Variants in COL22A1 observed in about 807,000 individuals in gnomAD.
The protein encoded by COL22A1 is collagen alpha-1(XXII) chain.
A neutral mutation model predicts 248.9 loss-of-function variants in COL22A1; 221 were observed. The observed-to-expected ratio is 0.89, with a 90% CI of 0.80 to 0.99. The LOEUF is 0.99. Among genes scored for constraint, COL22A1 ranks in the 50% least tolerant of loss-of-function variants. The probability of loss-of-function intolerance (pLI) is 0.00; values close to 1 mark genes in which losing one functional copy is unlikely to be tolerated. For synonymous variants in COL22A1, 891 were observed against 793.4 expected, an observed-to-expected ratio of 1.12 and a Z score of -2.07; for missense variants, 2,240 against 2,179.0, an observed-to-expected ratio of 1.03 and a Z score of -0.56.
chr8:138,798,404 CTACTTTCATGA>C (rs1228748634), intron 11 of COL22A1, among the ~76,000 whole-genome samples: 1 of 151,830 alleles, frequency 6.6e-6, no homozygotes, highest in Non-Finnish European at 1.5e-5. Flanking sequence ...AACATTTACA[CTACTTTCATGA>C]TATTTTTAAC....
chr8:138,621,102 G>A (rs1235706389), intron 52 of COL22A1, among the ~76,000 whole-genome samples: 1 of 152,178 alleles, frequency 6.6e-6, no homozygotes, highest in East Asian at 1.9e-4. Context: ...AACTCAACTT[G>A]AAGAGGGGCC....
At chr8:138,763,782 T>G (rs1219184771) in intron 16 of COL22A1, among the ~76,000 whole-genome samples, 10 of 152,180 alleles carry the variant, frequency 6.6e-5, no homozygotes. Context: ...TCAGATTCAG[T>G]GTCCCCTCCT....
intron 11 of COL22A1, among the ~76,000 whole-genome samples, chr8:138,801,685 C>T (rs1817012860): frequency 6.6e-6 from 1 of 152,126 alleles, no homozygotes; most frequent in Non-Finnish European, 1.5e-5. Flanking sequence ...TTGAGACCAG[C>T]CTGGCCAACG....
chr8:138,725,451 A>C lies in COL22A1; in HGVS notation c.2140-11T>G, dbSNP rs1040270939. The C allele has an allele frequency of 1.9e-6, 3 of 1,612,394 alleles. No homozygotes were observed. In the African/African-American group the frequency reaches 4.0e-5, roughly 22 times the overall value. ...GGGTCCTGGAGGGCCCTGTAGAGAA[A>C]GAGCATTTGGTGGGCTACAGATGGG... On this transcript the variant is annotated splice_polypyrimidine_tract_variant and intron_variant, in intron 23 of 64. Transcript: ENST00000303045.
At chr8:138,815,230 GA>G (rs1325614305) in intron 7 of COL22A1, among the ~76,000 whole-genome samples, 3 of 152,138 alleles carry the variant, frequency 2.0e-5, no homozygotes, top group African/African-American at 7.2e-5. Context: ...CATAAGAACA[GA>G]CTAATACATT....
intron 56 of COL22A1, among the ~76,000 whole-genome samples, chr8:138,611,456 C>G (rs1312230858): frequency 6.6e-6 from 1 of 152,170 alleles, no homozygotes; most frequent in African/African-American, 2.4e-5. Context: ...TGGGGGGGAC[C>G]CAGTCAGAAC....
chr8:138,829,265 C>T (rs1819835624), intron 5 of COL22A1, among the ~76,000 whole-genome samples: 1 of 152,164 alleles, frequency 6.6e-6, no homozygotes, highest in African/African-American at 2.4e-5. Flanking sequence ...CATTCAGAGA[C>T]ACCCTCAGTC....
chr8:138,775,483 G>C lies in COL22A1; in HGVS notation c.1803+483C>G, dbSNP rs75784024. Among the ~76,000 whole-genome samples, 1,489 of 152,326 alleles carry C rather than the reference G, an allele frequency of 9.8e-3. 27 individuals are homozygous for C. The highest frequency in any genetic ancestry group is 0.034 in the African/African-American group (1,415 of 41,560). On this transcript the variant is annotated intron_variant, in intron 16 of 64. Coordinates refer to ENST00000303045, the MANE Select transcript of COL22A1 (RefSeq NM_152888.3). Reference sequence around the variant, plus strand: ...CATTTAAGAGCCCGAGTGTGGGCCAGTTCACAACGTTTGGTGACTGTGGCT... The same window carrying C: ...CATTTAAGAGCCCGAGTGTGGGCCACTTCACAACGTTTGGTGACTGTGGCT...
At chr8:138,589,483 T>C (rs1232834492) in intron 64 of COL22A1, 43 bp from the exon 65 acceptor site, 1 of 1,430,732 alleles carries the variant, frequency 7.0e-7, no homozygotes, top group East Asian at 2.6e-5. Context: ...TTCAAGATCC[T>C]TCTGGGAGGG....
At chr8:138,717,023 C>A (rs1160552966) in intron 27 of COL22A1, among the ~76,000 whole-genome samples, 154 bp from the exon 28 acceptor site, 1 of 152,248 alleles carries the variant, frequency 6.6e-6, no homozygotes, top group African/African-American at 2.4e-5. Flanking sequence ...GAGTCATGGG[C>A]TCTGAAGACC....
intron 32 of COL22A1, among the ~76,000 whole-genome samples, chr8:138,695,210 G>A (rs867963748): frequency 6.6e-6 from 1 of 152,186 alleles, no homozygotes; most frequent in Admixed American, 6.5e-5. Context: ...TAGTTGTGTG[G>A]TTTGATTCAT....
At chr8:138,712,984 T>C (rs893729042) in intron 30 of COL22A1, among the ~76,000 whole-genome samples, 3 of 152,172 alleles carry the variant, frequency 2.0e-5, no homozygotes, top group African/African-American at 7.2e-5. Context: ...GACGTATCTT[T>C]GGTGAAAGGG....
At chr8:138,853,784 C>T (rs1312228075) in intron 3 of COL22A1, among the ~76,000 whole-genome samples, 3 of 152,302 alleles carry the variant, frequency 2.0e-5, no homozygotes, top group African/African-American at 7.2e-5. Flanking sequence ...CCTCCAGCAG[C>T]CCTTCTGATT....
At chr8:138,703,378 T>C in intron 30 of COL22A1, 31 bp from the exon 31 acceptor site, 2 of 1,599,802 alleles carry the variant, frequency 1.3e-6, no homozygotes. Context: ...TCCATGACCA[T>C]TAATCTTCCT....
chr8:138,797,811 TTC>T (rs1441368135), intron 11 of COL22A1, among the ~76,000 whole-genome samples: 5 of 152,168 alleles, frequency 3.3e-5, no homozygotes, highest in African/African-American at 1.2e-4. Context: ...CTCCTTTAAA[TTC>T]TGTCAGTTTT....
intron 23 of COL22A1, among the ~76,000 whole-genome samples, chr8:138,732,936 T>A (rs1474048587): frequency 6.6e-6 from 1 of 152,256 alleles, no homozygotes; most frequent in Non-Finnish European, 1.5e-5. Context: ...TGAAAATTAC[T>A]TGCATAAATT....
In COL22A1 at chr8:138,832,793, A is replaced by G. The variant is rs181628548; in HGVS notation, c.845+246T>C. On this transcript the variant is annotated intron_variant, in intron 5 of 64. Transcript: ENST00000303045. The stretch of plus-strand genomic sequence containing the variant: ...TGTATGAATGAATGATTAATGCCAA[A>G]TGTGTATGGAGAGATAGGTGTAGAA... Among the ~76,000 whole-genome samples, 414 of 152,352 alleles carry G rather than the reference A, an allele frequency of 2.7e-3. 2 individuals are homozygous for G. Among genetic ancestry groups the G allele is most frequent in the Admixed American group, 5.4e-3 (82 of 15,304 alleles).
At chr8:138,805,301 G>T (rs376909133) in intron 10 of COL22A1, among the ~76,000 whole-genome samples, 19 of 114,754 alleles carry the variant, frequency 1.7e-4, no homozygotes, top group African/African-American at 9.5e-4. Context: ...TGGTGGTGTG[G>T]GATGGTGTTT....
At chr8:138,688,484 G>A (rs576807220) in intron 37 of COL22A1, among the ~76,000 whole-genome samples, 1 of 151,904 alleles carries the variant, frequency 6.6e-6, no homozygotes, top group Non-Finnish European at 1.5e-5. Flanking sequence ...TCACACCACT[G>A]CACTCCAGCC....
Sources: allele counts gnomAD v4.1 joint callset (sites outside exome capture counted in the v4.1 genomes callset), GRCh38; gene constraint gnomAD v4.1.1; transcripts MANE v1.5; gene names NCBI Gene and HGNC (gene_info 2026-07-23, HGNC 2026-07-21).